NXNL2: variants seen among roughly 807,000 people sequenced by gnomAD.
NXNL2 encodes nucleoredoxin like 2.
NXNL2 carries 7 observed loss-of-function variants against 11.1 expected under a neutral mutation model. The observed-to-expected ratio is 0.63, with a 90% confidence interval of 0.36 to 1.18. NXNL2 has a LOEUF of 1.18. Ranked by LOEUF, NXNL2 falls within the 50% of genes most tolerant of loss-of-function variation. The pLI is 0.02. For missense variants in NXNL2, 233 were observed against 217.7 expected, an observed-to-expected ratio of 1.07 and a Z score of -0.44; for synonymous variants, 109 against 101.8, an observed-to-expected ratio of 1.07 and a Z score of -0.42.
downstream of NXNL2, among the ~76,000 whole-genome samples, chr9:88,547,191 G>A (rs998903983): frequency 3.1e-4 from 47 of 152,234 alleles, no homozygotes; most frequent in African/African-American, 1.1e-3. Context: ...CACTGAATTT[G>A]TTGAAGTCAT....
rs540205444 is a variant in NXNL2 at position 88,581,231 on chromosome 9, C to G, written n.552-2768C>G. 1.4e-4 allele frequency among the ~76,000 whole-genome samples: 21 copies of G among 152,334 alleles called. No homozygotes were observed. The East Asian group carries it at 3.9e-3, about 28-fold the overall frequency. ...CCACTGCCTTGGAAGGAGCTTCTGTCTGCAGCTACCCACTGCAAGAAATGG... is the reference window on the plus strand; with the variant it reads ...CCACTGCCTTGGAAGGAGCTTCTGTGTGCAGCTACCCACTGCAAGAAATGG... On this transcript the variant is annotated intron_variant and non_coding_transcript_variant, in intron 1 of 1. Transcript: ENST00000478686.
chr9:88,577,104 G>A (rs1218522822), downstream of NXNL2, among the ~76,000 whole-genome samples: 3 of 152,160 alleles, frequency 2.0e-5, no homozygotes, highest in Admixed American at 6.5e-5. Flanking sequence ...TGGGGTGACC[G>A]TGCTGAAACA....
chr9:88,569,892 T>C (rs1462252076), intron 1 of NXNL2, among the ~76,000 whole-genome samples: 2 of 152,164 alleles, frequency 1.3e-5, no homozygotes, highest in African/African-American at 4.8e-5. Context: ...AGATTGTTTT[T>C]TGTATGCTAT....
At chr9:88,543,458 G>T (rs561366417) in intron 1 of NXNL2, among the ~76,000 whole-genome samples, 21 of 152,108 alleles carry the variant, frequency 1.4e-4, no homozygotes, top group African/African-American at 3.9e-4. Context: ...TAGAGACAAG[G>T]TCTCACTATG....
At chr9:88,580,295 A>G (rs1830395146), downstream of NXNL2, among the ~76,000 whole-genome samples, 1 of 151,858 alleles carries the variant, frequency 6.6e-6, no homozygotes, top group East Asian at 2.0e-4. Flanking sequence ...CTGGGATTAC[A>G]GGCACCAGCC....
downstream of NXNL2, among the ~76,000 whole-genome samples, chr9:88,577,826 C>G (rs535118165): frequency 6.6e-6 from 1 of 152,202 alleles, no homozygotes; most frequent in Non-Finnish European, 1.5e-5. Context: ...ATATGAACTA[C>G]GGGCACATGA....
chr9:88,579,170 C>T (rs560466599), downstream of NXNL2, among the ~76,000 whole-genome samples: 19 of 152,286 alleles, frequency 1.2e-4, no homozygotes, highest in African/African-American at 3.1e-4. Context: ...CCACTGATGC[C>T]GCCTTTCATA....
At chr9:88,564,286 T>TATCTATCTATC (rs1830135040) in intron 1 of NXNL2, among the ~76,000 whole-genome samples, 1 of 20,182 alleles carries the variant, frequency 5.0e-5, no homozygotes, top group African/African-American at 1.8e-4. Flanking sequence ...ATCTATCTAT[T>TATCTATCTATC]ATCTATCTAT....
chr9:88,560,246 T>C (rs1587850503), intron 1 of NXNL2, among the ~76,000 whole-genome samples: 1 of 151,660 alleles, frequency 6.6e-6, no homozygotes, highest in African/African-American at 2.4e-5. Flanking sequence ...CAGCGGGAGG[T>C]TCTCCCCTGA....
chr9:88,551,738 G>A (rs1485820494), intron 1 of NXNL2, among the ~76,000 whole-genome samples: 2 of 152,198 alleles, frequency 1.3e-5, no homozygotes, highest in Non-Finnish European at 2.9e-5. Context: ...CTCCCCTATA[G>A]AGTGATCCTG....
intron 2 of NXNL2, among the ~76,000 whole-genome samples, chr9:88,572,565 C>T (rs762022322): frequency 3.3e-5 from 5 of 152,174 alleles, no homozygotes; most frequent in East Asian, 1.9e-4. Flanking sequence ...CCCTACCAGG[C>T]GACATGCTCA....
intron 1 of NXNL2, among the ~76,000 whole-genome samples, chr9:88,580,956 T>G (rs895096813): frequency 6.6e-6 from 1 of 152,218 alleles, no homozygotes; most frequent in South Asian, 2.1e-4. Context: ...TTATGCATTA[T>G]TTTTTGCAAG....
intron 1 of NXNL2, among the ~76,000 whole-genome samples, chr9:88,582,067 T>G (rs756012080): frequency 3.3e-5 from 5 of 152,198 alleles, no homozygotes; most frequent in Non-Finnish European, 4.4e-5. Context: ...CTTCTGTCAT[T>G]CCTCACCTGG....
chr9:88,539,213 G>T (rs905251884), intron 1 of NXNL2, among the ~76,000 whole-genome samples: 6 of 152,206 alleles, frequency 3.9e-5, no homozygotes, highest in African/African-American at 1.4e-4. Flanking sequence ...GAGTTTCCAG[G>T]TGATGTTGGT....
intron 1 of NXNL2, among the ~76,000 whole-genome samples, chr9:88,543,536 G>A (rs1407806978): frequency 2.6e-5 from 4 of 152,088 alleles, no homozygotes; most frequent in Admixed American, 1.3e-4. Flanking sequence ...GAAGTGCTGG[G>A]ATTACAGGTG....
At chr9:88,541,598 G>T (rs1404603149) in intron 1 of NXNL2, among the ~76,000 whole-genome samples, 1 of 152,164 alleles carries the variant, frequency 6.6e-6, no homozygotes, top group Non-Finnish European at 1.5e-5. Flanking sequence ...TGTTTCCTGA[G>T]AACCAGGTTG....
chr9:88,584,240 C>A lies in NXNL2; in HGVS notation n.793C>A, dbSNP rs1830438052. 3 of 152,236 alleles carry A rather than the reference C, an allele frequency of 2.0e-5. No individual in the cohort carries two copies. The East Asian group carries it at 5.8e-4, about 29-fold the overall frequency. 9.4% of individuals were successfully genotyped at this position (152,236 alleles called of 1,614,324 possible). ...TCGAGGTGATTTGCCTGAGGTCCTA[C>A]AACTCATCACTGACTGTGTTTGGAG... On this transcript the variant is annotated non_coding_transcript_exon_variant, in exon 2 of 2. Coordinates refer to the NXNL2 transcript ENST00000478686.
chr9:88,556,905 G>A (rs1830019876), intron 1 of NXNL2, among the ~76,000 whole-genome samples: 1 of 151,640 alleles, frequency 6.6e-6, no homozygotes, highest in Admixed American at 6.6e-5. Context: ...GTGAAACCCC[G>A]TCTCTACTAA....
intron 2 of NXNL2, among the ~76,000 whole-genome samples, chr9:88,573,757 C>T (rs1830308708): frequency 6.6e-6 from 1 of 152,140 alleles, no homozygotes; most frequent in Non-Finnish European, 1.5e-5. Context: ...GAACTGTACA[C>T]TAAAATGGTT....
Sources: gnomAD v4.1 joint callset for allele counts (sites outside exome capture counted in the v4.1 genomes callset) on GRCh38, gnomAD v4.1.1 for gene constraint, MANE v1.5 for transcripts, NCBI Gene and HGNC (gene_info 2026-07-23, HGNC 2026-07-21) for gene names.